METTL3: variants seen among roughly 807,000 people sequenced by gnomAD.
METTL3 encodes the protein methyltransferase 3, N6-adenosine-methyltransferase complex catalytic subunit, also known as N(6)-adenosine-methyltransferase catalytic subunit METTL3.
METTL3 carries 42 observed loss-of-function variants against 64.3 expected under a neutral mutation model. The observed-to-expected ratio is 0.65, with a 90% CI of 0.51 to 0.84. METTL3 has a LOEUF of 0.84. METTL3 is among the 40% of genes least tolerant of loss of function. METTL3 has a pLI of 0.00. For synonymous variants in METTL3, 256 were observed against 263.6 expected, an observed-to-expected ratio of 0.97 and a Z score of 0.28; for missense variants, 435 against 722.3, an observed-to-expected ratio of 0.60 and a Z score of 4.56.
chr14:21,504,126 C>T (rs971578193), intron 1 of METTL3: 1 of 488,352 alleles, frequency 2.0e-6, no homozygotes, highest in Non-Finnish European at 3.7e-6. Context: ...TCCTAATTCC[C>T]TATCCTTGCT....
Position 21,503,804 on chromosome 14 carries a change from C to T in METTL3, c.178G>A (p.Gly60Ser). 6.2e-7 allele frequency: 1 copy of T among 1,614,176 alleles called. No individual in the cohort carries two copies. Among genetic ancestry groups the T allele is most frequent in the Middle Eastern group, 1.6e-4 (1 of 6,062 alleles). ...GCTGAAGCTGTGCTGGGCTTAGGGC[C>T]ACCAGAGGTGGGTGCAGTAGGCACT... ...SPVPTAPTSGGPKPSTASAVP... is the reference protein window; with the variant it reads ...SPVPTAPTSGSPKPSTASAVP... The change falls in exon 2 of 11, where the codon GGC (glycine) becomes AGC (serine). Residue 60 changes from glycine to serine, a missense_variant. By Grantham distance (56) the Gly-to-Ser change is moderately conservative. Around this residue, in one of 9 missense-constraint regions of METTL3, gnomAD observed 228 missense variants for 279.6 expected, o/e 0.82. Transcript: ENST00000298717.
At chr14:21,500,800 T>C (rs1386556573) in intron 5 of METTL3, 113 bp downstream of exon 5, 1 of 1,414,278 alleles carries the variant, frequency 7.1e-7, no homozygotes, top group Non-Finnish European at 9.7e-7. Flanking sequence ...CCCCCTCCAT[T>C]CCCAATAAGC....
Position 21,503,682 on chromosome 14 carries a change from G to A in METTL3, c.300C>T (p.Ile100=), listed in dbSNP as rs1891627202. The change falls in exon 2 of 11, where the codon ATC becomes ATT. Residue 100 remains isoleucine (I), a synonymous_variant. Coordinates refer to ENST00000298717, the MANE Select transcript of METTL3 (RefSeq NM_019852.5). ...TCATTACCGTGGAGATGGCAAGACA[G>A]ATGGACACAGCATCAGTGGGCAATG... ...ALTLPTDAVS[I]CLAISTPDAP... 1.2e-6 allele frequency: 2 copies of A among 1,614,232 alleles called. No individual in the cohort carries two copies. Among genetic ancestry groups the A allele is most frequent in the Non-Finnish European group, 1.7e-6 (2 of 1,180,032 alleles).
rs1454265377 is a variant in METTL3, at chr14:21,503,331, C to T, written c.565G>A (p.Ala189Thr). Residue 189 changes from alanine to threonine, a missense_variant, in exon 3 of 11, where the codon GCC becomes ACC. Ala to Thr is a moderately conservative substitution (Grantham distance 58). Coordinates refer to ENST00000298717, the MANE Select transcript of METTL3 (RefSeq NM_019852.5). ...RAEQDSTTVA[A>T]FASSLVSGLN... ...CCAGAGACTAACGAACTGGCAAAGG[C>T]AGCTACTGTAGTCGAGTCCTGTTCT... The T allele has an allele frequency of 1.9e-6, 3 of 1,614,148 alleles. No homozygotes were observed. Among genetic ancestry groups the T allele is most frequent in the Non-Finnish European group, 1.7e-6 (2 of 1,180,026 alleles).
intron 1 of METTL3, among the ~76,000 whole-genome samples, chr14:21,505,115 G>T (rs1041816055): frequency 1.3e-5 from 2 of 152,004 alleles, no homozygotes; most frequent in African/African-American, 2.4e-5. Flanking sequence ...CCAGCCAGGG[G>T]AACATGGTGA....
In METTL3 at chr14:21,503,848, G is replaced by T. The variant is rs1460224064; in HGVS notation, c.134C>A (p.Thr45Asn). The T allele has an allele frequency of 6.2e-7, 1 of 1,614,230 alleles. No individual in the cohort carries two copies. The highest frequency in any genetic ancestry group is 1.1e-5 in the South Asian group (1 of 91,082). The change falls in exon 2 of 11, where the codon ACC (threonine) becomes AAC (asparagine). Residue 45 changes from threonine to asparagine, a missense_variant. Physicochemically the swap from Thr to Asn is moderately conservative, Grantham distance 65 (BLOSUM62 0). Around this residue, in one of 9 missense-constraint regions of METTL3, gnomAD observed 228 missense variants for 279.6 expected, o/e 0.82. Transcript: ENST00000298717. ...AGGCACTGGGCTGTCACTACGGAAG[G>T]TTGGAGACAATGCTGCCTCTGGATT... Reference protein sequence around the residue: ...LRNPEAALSPTFRSDSPVPTA... With the variant: ...LRNPEAALSPNFRSDSPVPTA...
At chr14:21,508,979 A>G (rs892392916) in intron 1 of METTL3, among the ~76,000 whole-genome samples, 1 of 152,236 alleles carries the variant, frequency 6.6e-6, no homozygotes, top group Non-Finnish European at 1.5e-5. Context: ...GCCTGTCACA[A>G]AAACGACAGA....
chr14:21,507,456 G>A (rs1465708971), intron 1 of METTL3, among the ~76,000 whole-genome samples: 2 of 152,052 alleles, frequency 1.3e-5, no homozygotes, highest in Non-Finnish European at 2.9e-5. Context: ...TCAGGAGATC[G>A]AGACCATCCT....
In METTL3 at chr14:21,510,893, C is replaced by T. The variant is rs1478952716; in HGVS notation, c.100+231G>A. 1.4e-5 allele frequency: 7 copies of T among 508,296 alleles called. No homozygotes were observed. The Admixed American group carries it at 1.9e-4, about 13-fold the overall frequency. The allele number at this position is 508,296 out of a possible 1,614,324, so 31.5% of individuals were successfully genotyped here. ...AAGGCGGACGAGGGTGGGGCTCAAG[C>T]GTCCGTCCGGTAAAAGTGAGCTGGA... On this transcript the variant is annotated intron_variant, in intron 1 of 10. Coordinates refer to ENST00000298717, the MANE Select transcript of METTL3 (RefSeq NM_019852.5).
intron 1 of METTL3, 89 bp downstream of exon 1, chr14:21,511,017 TATAGAAATGGCCGTTTGG>T: frequency 7.6e-7 from 1 of 1,320,094 alleles, no homozygotes; most frequent in Non-Finnish European, 1.0e-6. Flanking sequence ...TACGAGGCTT[TATAGAAATGGCCGTTTGG>T]TAAAGGGCAG....
At chr14:21,499,898 G>T in intron 6 of METTL3, 96 bp from the exon 7 acceptor site, 1 of 1,142,640 alleles carries the variant, frequency 8.8e-7, no homozygotes, top group East Asian at 2.3e-5. Context: ...CACTTTTTCA[G>T]TAGACGCTCA....
Position 21,498,246 on chromosome 14 carries a change from A to G in METTL3, c.*12T>C. On this transcript the variant is annotated 3_prime_UTR_variant, in exon 11 of 11. Transcript: ENST00000298717. ...CATGGCTATGGATTCTTAGCTCTGT[A>G]AGGAAGTGCTTCTATAAATTCTTAG... 6.8e-7 allele frequency: 1 copy of G among 1,464,442 alleles called. No homozygotes were observed. Among genetic ancestry groups the G allele is most frequent in the Non-Finnish European group, 9.6e-7 (1 of 1,043,532 alleles). 90.7% of individuals were successfully genotyped at this position (1,464,442 alleles called of 1,614,324 possible).
intron 1 of METTL3, 174 bp downstream of exon 1, chr14:21,510,950 G>C (rs1891820410): frequency 2.9e-6 from 2 of 699,158 alleles, no homozygotes; most frequent in East Asian, 3.2e-5. Context: ...GAGGAACCGC[G>C]AACTACTTGC....
At position 21,501,057 on chromosome 14, in the gene METTL3, A is replaced by G; in HGVS notation, c.972T>C (p.Asp324=). Residue 324 remains aspartate (D), a synonymous_variant, in exon 5 of 11, where the codon GAT becomes GAC. Transcript: ENST00000298717. ...CSFLNTCFHM[D]TCKYVHYEID... ...TTTCATAGTGAACATACTTGCAGGT[A>G]TCCATGTGGAAACATGTATTAAGGA... 3 of 1,614,152 alleles carry G rather than the reference A, an allele frequency of 1.9e-6. No homozygotes were observed. In the South Asian group the frequency reaches 3.3e-5, roughly 18 times the overall value.
At chr14:21,502,878 TGTTGACACTTTGG>T in intron 3 of METTL3, 1 of 308,298 alleles carries the variant, frequency 3.2e-6, no homozygotes, top group Non-Finnish European at 6.0e-6. Flanking sequence ...ACATTGGCAT[TGTTGACACTTTGG>T]GACAGACAAC....
At chr14:21,498,463 C>A in intron 10 of METTL3, 94 bp from the exon 11 acceptor site, 1 of 1,164,554 alleles carries the variant, frequency 8.6e-7, no homozygotes, top group South Asian at 1.3e-5. Context: ...GACTGCCTAT[C>A]ATCATATCAA....
chr14:21,500,821 T>G (rs1891548283), intron 5 of METTL3, 92 bp downstream of exon 5: 1 of 1,423,990 alleles, frequency 7.0e-7, no homozygotes, highest in Non-Finnish European at 9.6e-7. Flanking sequence ...AAGACAAGAT[T>G]GCTGAATTAT....
intron 4 of METTL3, 138 bp from the exon 5 acceptor site, chr14:21,501,267 G>A: frequency 1.5e-6 from 1 of 663,728 alleles, no homozygotes; most frequent in Admixed American, 2.9e-5. Context: ...GAGTTTTAAG[G>A]GAGGCAGGTA....
intron 3 of METTL3, chr14:21,502,489 C>T (rs1891592428): frequency 1.3e-5 from 2 of 153,612 alleles, no homozygotes; most frequent in Non-Finnish European, 2.9e-5. Context: ...GGAAGGCATT[C>T]CTTCTACAAA....
Sources: gnomAD v4.1 joint callset for allele counts (sites outside exome capture counted in the v4.1 genomes callset) on GRCh38, gnomAD v4.1.1 for gene constraint, gnomAD v4.1.1 regional missense constraint, MANE v1.5 for transcripts, NCBI Gene and HGNC (gene_info 2026-07-23, HGNC 2026-07-21) for gene names.